ADAP1: variants seen among roughly 807,000 people sequenced by gnomAD.
ADAP1 encodes arf-GAP with dual PH domain-containing protein 1.
A neutral mutation model predicts 54.9 loss-of-function variants in ADAP1; 31 were observed. That is an observed-to-expected ratio of 0.56 (90% confidence interval 0.42 to 0.76). The LOEUF (loss-of-function observed/expected upper bound fraction) is 0.76. Ranked by LOEUF, ADAP1 falls within the 30% of genes least tolerant of loss-of-function variation. The probability of loss-of-function intolerance (pLI) is 0.00; values close to 1 mark genes in which losing one functional copy is unlikely to be tolerated. For synonymous variants in ADAP1, 313 were observed against 202.6 expected (o/e 1.55, Z -4.63); for missense variants, 535 against 512.4 (o/e 1.04, Z -0.42).
intron 2 of ADAP1, among the ~76,000 whole-genome samples, chr7:928,968 C>T (rs1047724871): frequency 6.6e-6 from 1 of 152,176 alleles, no homozygotes; most frequent in Non-Finnish European, 1.5e-5. Context: ...TAAATGTGAT[C>T]GAGCCACACC....
intron 1 of ADAP1, among the ~76,000 whole-genome samples, chr7:947,214 GTTTTTTTTTTTTT>G (rs373444087): frequency 1.2e-5 from 1 of 84,176 alleles, no homozygotes. Context: ...TGATTTTTTG[GTTTTTTTTTTTTT>G]TTTTTTTTTT....
At chr7:922,164 G>A (rs1353223852) in intron 3 of ADAP1, among the ~76,000 whole-genome samples, 2 of 152,168 alleles carry the variant, frequency 1.3e-5, no homozygotes, top group Non-Finnish European at 2.9e-5. Flanking sequence ...CACCCCACGT[G>A]GTCACGAGGA....
intron 2 of ADAP1, among the ~76,000 whole-genome samples, chr7:928,727 A>C (rs2128107262): frequency 6.6e-6 from 1 of 152,350 alleles, no homozygotes; most frequent in Non-Finnish European, 1.5e-5. Context: ...GAGAATGTGG[A>C]GTGATCAGAG....
In ADAP1 at chr7:920,908, G is replaced by T; in HGVS notation, c.306-858C>A. On this transcript the variant is annotated intron_variant, in intron 3 of 10. Coordinates refer to ENST00000265846, the MANE Select transcript of ADAP1 (RefSeq NM_006869.4). The surrounding 1 kb of genome is among the most constrained non-coding windows in gnomAD (Gnocchi z 4.5). ...GAATTACGCGGCAAAGAACAAATAG[G>T]AACCCTGTGGCTTCCTGCTGGGCCC... 3 of 1,539,916 alleles carry T rather than the reference G, an allele frequency of 1.9e-6. No homozygotes were observed. The highest frequency in any genetic ancestry group is 1.2e-5 in the South Asian group (1 of 83,740).
intron 4 of ADAP1, among the ~76,000 whole-genome samples, chr7:907,983 G>A (rs778035442): frequency 4.6e-5 from 7 of 152,048 alleles, no homozygotes; most frequent in Non-Finnish European, 5.9e-5. Flanking sequence ...GGCCCTTCCC[G>A]GGGTCGTGGG....
rs940857698 is a variant in ADAP1 at position 920,678 on chromosome 7, C to T, written c.306-628G>A. On this transcript the variant is annotated intron_variant, in intron 3 of 10. Transcript: ENST00000265846. This position sits in a 1 kb window ranked among gnomAD's most constrained non-coding sequence, Gnocchi z 4.5. ...CAGGAAGACCCGGGATGAGGAGAAG[C>T]CCCCGAGAGTAAAGCCCGGGACGAG... 9.9e-6 allele frequency: 9 copies of T among 907,916 alleles called. No individual in the cohort carries two copies. Among genetic ancestry groups the T allele is most frequent in the African/African-American group, 1.7e-5 (1 of 59,148 alleles). The allele number at this position is 907,916 out of a possible 1,614,324, so 56.2% of individuals were successfully genotyped here.
chr7:935,593 C>A, intron 1 of ADAP1, 88 bp from the exon 2 acceptor site: 1 of 1,498,170 alleles, frequency 6.7e-7, no homozygotes, highest in Middle Eastern at 2.0e-4. Flanking sequence ...GAGCCCCCGG[C>A]CATGCAGTGG....
At chr7:905,790 GGAGAAA>G (rs1845225364) in intron 4 of ADAP1, among the ~76,000 whole-genome samples, 1 of 95,306 alleles carries the variant, frequency 1.0e-5, no homozygotes, top group African/African-American at 3.5e-5. Flanking sequence ...AAAGGAGAAA[GGAGAAA>G]GGAGAAAGGA....
chr7:899,517 G>T (rs376864645), intron 8 of ADAP1, 27 bp from the exon 9 acceptor site: 65 of 1,607,666 alleles, frequency 4.0e-5, no homozygotes, highest in Non-Finnish European at 5.5e-5. Context: ...GCCCGTGACC[G>T]GCAGGTCGCC....
Position 923,536 on chromosome 7 carries a change from C to T in ADAP1, c.305+3017G>A, listed in dbSNP as rs1288263389. Among the ~76,000 whole-genome samples, 3 of 152,190 alleles carry T rather than the reference C, an allele frequency of 2.0e-5. No homozygotes were observed. In the South Asian group the frequency reaches 6.2e-4, roughly 32 times the overall value. On this transcript the variant is annotated intron_variant, in intron 3 of 10. Transcript: ENST00000265846. ...AAGAGACGGGTCCCGGCCTCTGAGT[C>T]ACAGGCTGGTGCTGAAGATAAAGAG...
rs1190657849 is a variant in ADAP1, at chr7:920,233, TCTCA to T, written c.306-187_306-184del. On this transcript the variant is annotated intron_variant, in intron 3 of 10. Coordinates refer to ENST00000265846, the MANE Select transcript of ADAP1 (RefSeq NM_006869.4). This position sits in a 1 kb window ranked among gnomAD's most constrained non-coding sequence, Gnocchi z 4.5. ...GGGTCAGCCTCCTGCCCGGGACGCT[TCTCA>T]CTCTGATATTAGTTTATTGGTTTCT... Among the ~76,000 whole-genome samples the T allele has an allele frequency of 6.6e-6, 1 of 151,912 alleles. No individual in the cohort carries two copies. Among genetic ancestry groups the T allele is most frequent in the Non-Finnish European group, 1.5e-5 (1 of 67,946 alleles).
intron 4 of ADAP1, among the ~76,000 whole-genome samples, chr7:909,821 G>C (rs757449866): frequency 1.1e-4 from 17 of 152,120 alleles, no homozygotes; most frequent in Non-Finnish European, 2.1e-4. Context: ...CCTGCTGTGA[G>C]CTGGTCCCGC....
chr7:936,719 T>A (rs1211228861), intron 1 of ADAP1, among the ~76,000 whole-genome samples: 1 of 152,282 alleles, frequency 6.6e-6, no homozygotes, highest in East Asian at 1.9e-4. Context: ...AGATGAGTCA[T>A]CTCTGAACTG....
At chr7:932,211 C>G (rs574815164) in intron 2 of ADAP1, among the ~76,000 whole-genome samples, 26 of 152,318 alleles carry the variant, frequency 1.7e-4, no homozygotes, top group African/African-American at 6.3e-4. Context: ...CGCACCAGAC[C>G]TCTGCGGCAG....
At chr7:925,849 C>T (rs942066306) in intron 3 of ADAP1, among the ~76,000 whole-genome samples, 9 of 152,200 alleles carry the variant, frequency 5.9e-5, no homozygotes, top group Non-Finnish European at 1.2e-4. Context: ...CAACGGAGGG[C>T]GGTGCCCAGT....
intron 4 of ADAP1, among the ~76,000 whole-genome samples, chr7:906,623 A>G (rs1159186107): frequency 1.6e-5 from 1 of 62,764 alleles, no homozygotes; most frequent in African/African-American, 7.7e-5. Flanking sequence ...AAGGGAAAGG[A>G]GAAAGGAGAA....
rs914858111 is a variant in ADAP1, at chr7:946,778, G to C, written c.82+7618C>G. Among the ~76,000 whole-genome samples the C allele has an allele frequency of 6.6e-6, 1 of 152,194 alleles. No homozygotes were observed. The highest frequency in any genetic ancestry group is 2.4e-5 in the African/African-American group (1 of 41,446). On this transcript the variant is annotated intron_variant, in intron 1 of 10. Transcript: ENST00000265846. The surrounding 1 kb of genome is among the most constrained non-coding windows in gnomAD (Gnocchi z 4.3). ...CTGTCAAACCCTATTTTTGGAACTC[G>C]ATAGAGGTGGTGGTTGAACAGCATG...
chr7:904,111 C>T lies in ADAP1; in HGVS notation c.648+15G>A. 1 of 1,611,330 alleles carries T rather than the reference C, an allele frequency of 6.2e-7. No individual in the cohort carries two copies. Among genetic ancestry groups the T allele is most frequent in the Non-Finnish European group, 8.5e-7 (1 of 1,179,414 alleles). On this transcript the variant is annotated intron_variant, in intron 6 of 10. Transcript: ENST00000265846. ...CTCCTGTGCCACCCGGGCCCGAGTG[C>T]TCGCCAGCACCCACCTTCCCGTCCT...
At chr7:902,475 A>AAAATGCCTGGGCGTGGTG (rs1491159593) in intron 6 of ADAP1, among the ~76,000 whole-genome samples, 18 of 142,358 alleles carry the variant, frequency 1.3e-4, no homozygotes, top group Non-Finnish European at 2.0e-4. Context: ...AAAAAAAGAA[A>AAAATGCCTGGGCGTGGTG]GAAAAGAAAG....
Sources: gnomAD v4.1 joint callset for allele counts (sites outside exome capture counted in the v4.1 genomes callset) on GRCh38, gnomAD v4.1.1 for gene constraint, Gnocchi (gnomAD v3.1) non-coding constraint, MANE v1.5 for transcripts, NCBI Gene and HGNC (gene_info 2026-07-23, HGNC 2026-07-21) for gene names.